Variants in TENM2 observed in about 807,000 individuals in gnomAD.
TENM2 encodes teneurin-2.
A neutral mutation model predicts 245.2 loss-of-function variants in TENM2; 52 were observed. The ratio of observed to expected loss-of-function variants is 0.21; its 90% confidence interval spans 0.17 to 0.27. The LOEUF (loss-of-function observed/expected upper bound fraction) is 0.27. Ranked by LOEUF, TENM2 falls within the 10% of genes least tolerant of loss-of-function variation. The pLI is 1.00. For missense variants in TENM2, 3,046 were observed against 3,666.8 expected, an observed-to-expected ratio of 0.83 and a Z score of 4.37; for synonymous variants, 1,363 against 1,438.9, an observed-to-expected ratio of 0.95 and a Z score of 1.19.
At chr5:168,160,489 A>AG (rs1757650784) in intron 12 of TENM2, among the ~76,000 whole-genome samples, 1 of 152,164 alleles carries the variant, frequency 6.6e-6, no homozygotes, top group Non-Finnish European at 1.5e-5. Flanking sequence ...ACAAAAGAAA[A>AG]CAGATTCCCT....
chr5:167,841,279 G>A (rs1036985582), intron 2 of TENM2, among the ~76,000 whole-genome samples: 7 of 152,034 alleles, frequency 4.6e-5, no homozygotes, highest in Admixed American at 1.3e-4. Flanking sequence ...GGCTGATCTC[G>A]AACCTGACCT....
chr5:167,224,856 C>T, the TENM2 span, among the ~76,000 whole-genome samples: 1 of 151,938 alleles, frequency 6.6e-6, no homozygotes, highest in East Asian at 1.9e-4. Flanking sequence ...TTCCATTATT[C>T]TGTGTCCTCT....
At chr5:168,039,840 C>A (rs896130029) in intron 5 of TENM2, among the ~76,000 whole-genome samples, 2 of 152,044 alleles carry the variant, frequency 1.3e-5, no homozygotes, top group Non-Finnish European at 2.9e-5. Context: ...GCCACACACT[C>A]GCAGTGTCAA....
intron 2 of TENM2, among the ~76,000 whole-genome samples, chr5:167,532,826 G>GTATATA (rs148505748): frequency 0.012 from 1,766 of 144,520 alleles, 75 homozygotes; most frequent in Admixed American, 0.088. Context: ...GTGTGTGTGT[G>GTATATA]TATATATATA....
chr5:167,805,447 TAA>T (rs1392976583), intron 2 of TENM2, among the ~76,000 whole-genome samples: 1 of 152,120 alleles, frequency 6.6e-6, no homozygotes, highest in Non-Finnish European at 1.5e-5. Flanking sequence ...TGTTGCTCTT[TAA>T]AACTATAAGT....
intron 1 of TENM2, among the ~76,000 whole-genome samples, chr5:167,318,929 C>T (rs892276721): frequency 2.0e-5 from 3 of 152,104 alleles, no homozygotes; most frequent in South Asian, 2.1e-4. Flanking sequence ...GTTGATAGAA[C>T]GTGAAGCAAT....
the TENM2 span, among the ~76,000 whole-genome samples, chr5:167,083,429 TGAATAAATTCTGTCC>T: frequency 8.5e-5 from 13 of 152,210 alleles, no homozygotes; most frequent in African/African-American, 3.1e-4. Flanking sequence ...TCTGGATGAA[TGAATAAATTCTGTCC>T]ACAAAGCGTC....
At chr5:167,128,729 C>T in the TENM2 span, among the ~76,000 whole-genome samples, 3 of 152,164 alleles carry the variant, frequency 2.0e-5, no homozygotes, top group African/African-American at 7.2e-5. Flanking sequence ...GCTCTAATCA[C>T]CTGGCATTGT....
intron 2 of TENM2, among the ~76,000 whole-genome samples, chr5:167,622,623 G>C (rs750619307): frequency 6.6e-6 from 1 of 152,050 alleles, no homozygotes; most frequent in Non-Finnish European, 1.5e-5. Flanking sequence ...CAAGGTTCAG[G>C]GGTGAGTATT....
chr5:167,819,702 A>G (rs1233483986), intron 2 of TENM2, among the ~76,000 whole-genome samples: 1 of 152,200 alleles, frequency 6.6e-6, no homozygotes, highest in Non-Finnish European at 1.5e-5. Flanking sequence ...TGCCCAGCTC[A>G]TAATGTGCTG....
the TENM2 span, among the ~76,000 whole-genome samples, chr5:167,186,688 T>A: frequency 2.2e-4 from 33 of 152,168 alleles, no homozygotes; most frequent in Non-Finnish European, 4.6e-4. Context: ...ATGTGTCCTA[T>A]ATGGAGAAAT....
At position 168,063,138 on chromosome 5, in the gene TENM2, T is replaced by G. The variant is rs1240191801; in HGVS notation, c.1515+873T>G. 2.0e-5 allele frequency among the ~76,000 whole-genome samples: 3 copies of G among 152,200 alleles called. No homozygotes were observed. The East Asian group carries it at 5.8e-4, about 29-fold the overall frequency. On this transcript the variant is annotated intron_variant, in intron 7 of 28. Coordinates refer to ENST00000518659, the Ensembl canonical transcript of TENM2. ...CAGATGTTCTGGTTATTGGATTAAT[T>G]TGTTAAAATATCACTAGGAGACATC...
At chr5:167,260,625 T>C in the TENM2 span, among the ~76,000 whole-genome samples, 1 of 152,154 alleles carries the variant, frequency 6.6e-6, no homozygotes, top group East Asian at 1.9e-4. Flanking sequence ...CAATAAACAA[T>C]TCAATCAATG....
intron 2 of TENM2, among the ~76,000 whole-genome samples, chr5:167,496,159 T>C (rs1768802206): frequency 6.6e-6 from 1 of 152,082 alleles, no homozygotes; most frequent in African/African-American, 2.4e-5. Flanking sequence ...GGTAGTGTTG[T>C]AATTTGGATG....
intron 1 of TENM2, among the ~76,000 whole-genome samples, chr5:167,364,632 G>A (rs77351151): frequency 0.023 from 3,493 of 151,988 alleles, 152 homozygotes; most frequent in African/African-American, 0.079. Flanking sequence ...CACGTTTATT[G>A]CTTACAATAA....
chr5:167,890,371 T>C (rs1774649916), intron 3 of TENM2, among the ~76,000 whole-genome samples: 2 of 152,180 alleles, frequency 1.3e-5, no homozygotes, highest in African/African-American at 4.8e-5. Flanking sequence ...ATGATAATGA[T>C]ATTAAATAAT....
At chr5:167,683,408 TAAGAG>T (rs768856232) in intron 2 of TENM2, among the ~76,000 whole-genome samples, 10 of 152,200 alleles carry the variant, frequency 6.6e-5, no homozygotes, top group Non-Finnish European at 1.0e-4. Context: ...ACTAACCTCT[TAAGAG>T]AAGAATACTG....
At chr5:168,238,182 AGAGGGAGGGAGGGAGG>A (rs1191935029) in intron 25 of TENM2, among the ~76,000 whole-genome samples, 5 of 44,152 alleles carry the variant, frequency 1.1e-4, no homozygotes, top group Non-Finnish European at 1.3e-4. Flanking sequence ...AGAGAGAGAG[AGAGGGAGGGAGGGAGG>A]GAGGGAGGGA....
intron 2 of TENM2, among the ~76,000 whole-genome samples, chr5:167,419,292 C>T (rs1279588577): frequency 1.3e-5 from 2 of 151,972 alleles, no homozygotes; most frequent in Middle Eastern, 3.4e-3. Context: ...TGAAACCCCA[C>T]CTCTACTAAA....
Sources: gnomAD v4.1 joint callset for allele counts (sites outside exome capture counted in the v4.1 genomes callset) on GRCh38, gnomAD v4.1.1 for gene constraint, MANE v1.5 for transcripts, NCBI Gene and HGNC (gene_info 2026-07-23, HGNC 2026-07-21) for gene names.